Variants in IL1RAPL2 observed in about 807,000 individuals in gnomAD.
IL1RAPL2 encodes the protein interleukin 1 receptor accessory protein like 2.
A neutral mutation model predicts 44.1 loss-of-function variants in IL1RAPL2; 3 were observed. The observed-to-expected ratio is 0.07, with a 90% CI of 0.03 to 0.18. The LOEUF (loss-of-function observed/expected upper bound fraction) is 0.18, where lower values mean the gene tolerates loss of function less well. Ranked by LOEUF, IL1RAPL2 falls within the 10% of genes least tolerant of loss-of-function variation. The pLI, the probability that IL1RAPL2 is intolerant of heterozygous loss-of-function variation, is 1.00. For missense variants in IL1RAPL2, 391 were observed against 496.4 expected (o/e 0.79, Z 2.02); for synonymous variants, 181 against 178.8 (o/e 1.01, Z -0.10).
intron 1 of IL1RAPL2, among the ~76,000 whole-genome samples, chrX:104,601,886 G>T (rs921781393): frequency 1.8e-5 from 2 of 111,796 alleles, no homozygotes; most frequent in Non-Finnish European, 3.8e-5. Context: ...ATACATTATT[G>T]GGTAGATCCC....
intron 6 of IL1RAPL2, among the ~76,000 whole-genome samples, chrX:105,584,710 C>A (rs2037114442): frequency 9.0e-6 from 1 of 111,169 alleles, no homozygotes; most frequent in African/African-American, 3.3e-5. Context: ...ATATGCTCTA[C>A]CATATTGTGT....
intron 2 of IL1RAPL2, among the ~76,000 whole-genome samples, chrX:105,062,304 C>T (rs1458963431): frequency 2.7e-5 from 3 of 111,765 alleles, no homozygotes; most frequent in African/African-American, 9.8e-5. Context: ...AACAAACAAA[C>T]AGAAAAGTTC....
chrX:105,145,280 C>A (rs927703877), intron 2 of IL1RAPL2, among the ~76,000 whole-genome samples: 1 of 111,706 alleles, frequency 9.0e-6, no homozygotes, highest in African/African-American at 3.3e-5. Context: ...CAGTGTTATA[C>A]TGATGAGTTG....
chrX:105,075,373 T>G (rs192897908), intron 2 of IL1RAPL2, among the ~76,000 whole-genome samples: 4,207 of 111,556 alleles, frequency 0.038, 228 homozygotes, highest in African/African-American at 0.13. Context: ...GAACCAGCCT[T>G]GCATCCCAGG....
chrX:104,607,631 A>C (rs1216430617), intron 1 of IL1RAPL2, among the ~76,000 whole-genome samples: 1 of 112,405 alleles, frequency 8.9e-6, no homozygotes, highest in Non-Finnish European at 1.9e-5. Context: ...CATACGAAAA[A>C]ATGCTCATCA....
intron 1 of IL1RAPL2, among the ~76,000 whole-genome samples, chrX:104,581,261 G>A (rs1239205138): frequency 1.8e-5 from 2 of 111,860 alleles, no homozygotes; most frequent in African/African-American, 3.3e-5. Context: ...AAGCCACTTA[G>A]AAATGCTGGG....
chrX:104,654,059 C>G (rs1480842596), intron 1 of IL1RAPL2, among the ~76,000 whole-genome samples: 1 of 110,236 alleles, frequency 9.1e-6, no homozygotes, highest in African/African-American at 3.3e-5. Context: ...ATTTCCCCCC[C>G]ACCCCCAATG....
intron 1 of IL1RAPL2, among the ~76,000 whole-genome samples, chrX:104,581,413 G>A (rs149629947): frequency 9.0e-6 from 1 of 111,409 alleles, no homozygotes; most frequent in Admixed American, 9.5e-5. Flanking sequence ...ATTCTGCAAG[G>A]GTTTTTATTT....
chrX:105,599,698 A>G (rs1353887010), intron 6 of IL1RAPL2, among the ~76,000 whole-genome samples: 1 of 111,911 alleles, frequency 8.9e-6, no homozygotes, highest in Non-Finnish European at 1.9e-5. Flanking sequence ...CAAATTCTGC[A>G]TGTGGATGAC....
intron 2 of IL1RAPL2, among the ~76,000 whole-genome samples, chrX:105,130,048 G>T (rs1255420171): frequency 9.0e-6 from 1 of 110,913 alleles, no homozygotes; most frequent in Non-Finnish European, 1.9e-5. Flanking sequence ...CATGTATTTT[G>T]TATTTGAATC....
chrX:105,625,197 G>C (rs910623376), intron 6 of IL1RAPL2, among the ~76,000 whole-genome samples: 1 of 111,920 alleles, frequency 8.9e-6, no homozygotes, highest in Non-Finnish European at 1.9e-5. Context: ...AGTGATAAAG[G>C]TTCCTAATCC....
At chrX:105,612,132 G>C (rs1267237068) in intron 6 of IL1RAPL2, among the ~76,000 whole-genome samples, 1 of 110,343 alleles carries the variant, frequency 9.1e-6, no homozygotes, top group Non-Finnish European at 1.9e-5. Context: ...TTTAAGACAG[G>C]GTCTCGCTCT....
chrX:105,191,798 G>A (rs897099844), intron 2 of IL1RAPL2, among the ~76,000 whole-genome samples: 11 of 112,166 alleles, frequency 9.8e-5, no homozygotes, highest in African/African-American at 1.9e-4. Flanking sequence ...GGTTCGTTCC[G>A]TAGCAAGCTT....
At chrX:105,249,165 A>G (rs2034248094) in intron 4 of IL1RAPL2, among the ~76,000 whole-genome samples, 1 of 111,498 alleles carries the variant, frequency 9.0e-6, no homozygotes, top group Non-Finnish European at 1.9e-5. Context: ...ATTCAGCCAT[A>G]AAAAAAGAGA....
intron 6 of IL1RAPL2, among the ~76,000 whole-genome samples, chrX:105,669,321 CA>C (rs2037797354): frequency 9.0e-6 from 1 of 111,297 alleles, no homozygotes; most frequent in Non-Finnish European, 1.9e-5. Flanking sequence ...CCGTCTTCTG[CA>C]CATGTGCTTA....
intron 2 of IL1RAPL2, among the ~76,000 whole-genome samples, chrX:104,910,890 A>G (rs1485765617): frequency 3.6e-5 from 4 of 111,751 alleles, no homozygotes; most frequent in African/African-American, 1.3e-4. Flanking sequence ...AGACCGTATC[A>G]TGAGGCTTAT....
intron 5 of IL1RAPL2, among the ~76,000 whole-genome samples, chrX:105,398,187 C>G (rs890412363): frequency 9.0e-6 from 1 of 110,747 alleles, no homozygotes; most frequent in East Asian, 2.8e-4. Context: ...CCCTTCTTAA[C>G]CCTACAACCT....
At chrX:104,879,374 A>AAAAAAAAAAAAAAAAAAAAAAAAAAAAG (rs1923000183) in intron 2 of IL1RAPL2, among the ~76,000 whole-genome samples, 1 of 103,407 alleles carries the variant, frequency 9.7e-6, no homozygotes, top group African/African-American at 3.6e-5. Flanking sequence ...GTAAAAAAAA[A>AAAAAAAAAAAAAAAAAAAAAAAAAAAAG]AAAAAAAAAA....
At chrX:105,450,975 TG>T (rs752117516) in intron 5 of IL1RAPL2, among the ~76,000 whole-genome samples, 1 of 109,103 alleles carries the variant, frequency 9.2e-6, no homozygotes, top group East Asian at 2.9e-4. Flanking sequence ...TGATTGTTAG[TG>T]TTGATATGAG....
Sources: gnomAD v4.1 joint callset for allele counts (sites outside exome capture counted in the v4.1 genomes callset) on GRCh38, gnomAD v4.1.1 for gene constraint, MANE v1.5 for transcripts, NCBI Gene and HGNC (gene_info 2026-07-23, HGNC 2026-07-21) for gene names.